GSE1: variants seen among roughly 807,000 people sequenced by gnomAD.
GSE1 encodes Gse1 coiled-coil protein, also known as genetic suppressor element 1.
GSE1 carries 32 observed loss-of-function variants against 112.6 expected under a neutral mutation model. That is an observed-to-expected ratio of 0.28 (90% confidence interval 0.21 to 0.38). GSE1 has a LOEUF of 0.38. Among genes scored for constraint, GSE1 ranks in the 10% least tolerant of loss-of-function variants. The pLI, the probability that GSE1 is intolerant of heterozygous loss-of-function variation, is 1.00. For missense variants in GSE1, 2,348 were observed against 1,699.2 expected, an observed-to-expected ratio of 1.38 and a Z score of -6.71; for synonymous variants, 1,115 against 735.6, an observed-to-expected ratio of 1.52 and a Z score of -8.35.
At chr16:85,556,263 T>C in exon 1 of GSE1, 2 of 984,394 alleles carry the variant, frequency 2.0e-6, no homozygotes, top group Non-Finnish European at 1.2e-6. Context: ...TGTTCATTCC[T>C]GGGTTTTAAT....
At chr16:85,650,423 C>T (rs747098923) in intron 3 of GSE1, among the ~76,000 whole-genome samples, 1 of 152,164 alleles carries the variant, frequency 6.6e-6, no homozygotes, top group Non-Finnish European at 1.5e-5. Flanking sequence ...CCAGCCTGGA[C>T]CAGGAGCTTC....
At chr16:85,469,569 C>G (rs572882971) in intron 2 of GSE1, among the ~76,000 whole-genome samples, 1 of 152,302 alleles carries the variant, frequency 6.6e-6, no homozygotes, top group East Asian at 1.9e-4. Flanking sequence ...CACCTTTTCC[C>G]CACCTTACAT....
At chr16:85,323,298 G>C (rs1413950529) in intron 1 of GSE1, among the ~76,000 whole-genome samples, 1 of 152,192 alleles carries the variant, frequency 6.6e-6, no homozygotes, top group Non-Finnish European at 1.5e-5. Context: ...AGAACCTTCT[G>C]AGGGTTGCTG....
At chr16:85,608,225 C>G (rs900793387), upstream of GSE1, among the ~76,000 whole-genome samples, 1 of 152,044 alleles carries the variant, frequency 6.6e-6, no homozygotes, top group Non-Finnish European at 1.5e-5. Context: ...TTCACCGATG[C>G]GTAGGGCAGG....
rs750663689 is a variant in GSE1, at chr16:85,661,604, G to A, written c.2099G>A (p.Gly700Glu). 3 of 1,610,696 alleles carry A rather than the reference G, an allele frequency of 1.9e-6. No individual in the cohort carries two copies. In the Admixed American group the frequency reaches 5.0e-5, roughly 27 times the overall value. Residue 700 changes from glycine to glutamate, a missense_variant, in exon 9 of 16, where the codon GGG becomes GAG. Physicochemically the swap from Gly to Glu is moderately conservative, Grantham distance 98 (BLOSUM62 -2). Coordinates refer to ENST00000253458, the MANE Select transcript of GSE1 (RefSeq NM_014615.5). Reference protein sequence around the residue: ...RASLPQAATFGELSGPLKPGS... With the variant: ...RASLPQAATFEELSGPLKPGS... ...TCCCTCCCACAGGCGGCCACCTTCG[G>A]GGAGCTCAGCGGACCCCTGAAGCCT...
chr16:85,556,754 C>A (rs993602753), intron 1 of GSE1, among the ~76,000 whole-genome samples: 9 of 143,590 alleles, frequency 6.3e-5, no homozygotes, highest in South Asian at 2.3e-4. Context: ...AGCATGCCCC[C>A]CCCCCCCCCA....
At chr16:85,275,708 A>G (rs11149732) in intron 1 of GSE1, among the ~76,000 whole-genome samples, 24,520 of 152,164 alleles carry the variant, frequency 0.16, 2,554 homozygotes, top group East Asian at 0.37. Context: ...GGGCCTGTAA[A>G]GCTGCAGCCC....
chr16:85,179,729 C>T (rs889892716), intron 1 of GSE1, among the ~76,000 whole-genome samples: 5 of 152,150 alleles, frequency 3.3e-5, no homozygotes, highest in Non-Finnish European at 2.9e-5. Flanking sequence ...AGATGGCGAT[C>T]GTTTTTGTTC....
intron 1 of GSE1, among the ~76,000 whole-genome samples, chr16:85,240,693 C>T (rs571928587): frequency 6.6e-6 from 1 of 152,226 alleles, no homozygotes; most frequent in Non-Finnish European, 1.5e-5. Context: ...CTCGGGGCCA[C>T]TGTTGGCATG....
At chr16:85,521,958 G>GC (rs2151156310) in intron 2 of GSE1, among the ~76,000 whole-genome samples, 1 of 152,372 alleles carries the variant, frequency 6.6e-6, no homozygotes, top group African/African-American at 2.4e-5. Flanking sequence ...GCTCACAGAA[G>GC]CCAGGGGCAT....
chr16:85,234,157 G>A (rs1904358036), intron 1 of GSE1, among the ~76,000 whole-genome samples: 1 of 152,188 alleles, frequency 6.6e-6, no homozygotes, highest in African/African-American at 2.4e-5. Flanking sequence ...GAGTCTTGGT[G>A]CAGGCCAGGA....
intron 1 of GSE1, among the ~76,000 whole-genome samples, chr16:85,569,787 C>G (rs2151323349): frequency 6.6e-6 from 1 of 152,360 alleles, no homozygotes; most frequent in East Asian, 1.9e-4. Flanking sequence ...TGGGGAAAGC[C>G]TCTGCACTGC....
chr16:85,585,486 G>C, intron 1 of GSE1, among the ~76,000 whole-genome samples: 1 of 146,196 alleles, frequency 6.8e-6, no homozygotes, highest in South Asian at 2.1e-4. Context: ...CCTCTGTGTC[G>C]CCTACGTTTC....
chr16:85,514,190 C>A (rs1006188867), intron 2 of GSE1, among the ~76,000 whole-genome samples: 1 of 148,838 alleles, frequency 6.7e-6, no homozygotes, highest in African/African-American at 2.6e-5. Flanking sequence ...TCCCCCCTCC[C>A]CTCTCTTCCT....
chr16:85,564,100 A>G (rs1667373636), intron 1 of GSE1, among the ~76,000 whole-genome samples: 1 of 152,202 alleles, frequency 6.6e-6, no homozygotes, highest in South Asian at 2.1e-4. Context: ...TCTGTAAGTC[A>G]CTTAGGGAGC....
At chr16:85,331,724 T>TAGTTAAGATGGGG (rs2046378143) in intron 1 of GSE1, among the ~76,000 whole-genome samples, 1 of 131,576 alleles carries the variant, frequency 7.6e-6, no homozygotes, top group Non-Finnish European at 1.6e-5. Flanking sequence ...TTTTTTTTTT[T>TAGTTAAGATGGGG]TTTAGTTAAG....
chr16:85,450,735 C>T (rs2049655338), intron 2 of GSE1, among the ~76,000 whole-genome samples: 1 of 152,028 alleles, frequency 6.6e-6, no homozygotes, highest in South Asian at 2.1e-4. Flanking sequence ...AGGCATGAGC[C>T]ACCTCGCCCG....
intron 2 of GSE1, among the ~76,000 whole-genome samples, chr16:85,637,076 G>T (rs1376610763): frequency 6.6e-6 from 1 of 152,218 alleles, no homozygotes; most frequent in Non-Finnish European, 1.5e-5. Context: ...CTGTAGAAGC[G>T]CATGATTTGG....
chr16:85,422,756 AG>A (rs2048880509), intron 2 of GSE1, among the ~76,000 whole-genome samples: 2 of 151,894 alleles, frequency 1.3e-5, no homozygotes, highest in African/African-American at 4.8e-5. Flanking sequence ...CCAGGGAGTG[AG>A]GAGAGAGGGG....
Sources: gnomAD v4.1 joint callset for allele counts (sites outside exome capture counted in the v4.1 genomes callset) on GRCh38, gnomAD v4.1.1 for gene constraint, MANE v1.5 for transcripts, NCBI Gene and HGNC (gene_info 2026-07-23, HGNC 2026-07-21) for gene names.